The following ATP8A2 variants were observed in gnomAD, a reference collection of about 807,000 sequenced individuals.
ATP8A2 encodes the protein phospholipid-transporting ATPase IB.
Under a neutral mutation model 165.6 loss-of-function variants are expected in ATP8A2, and 100 were observed. The ratio of observed to expected loss-of-function variants is 0.60; its 90% confidence interval spans 0.51 to 0.71. ATP8A2 has a LOEUF of 0.71. Among genes scored for constraint, ATP8A2 ranks in the 30% least tolerant of loss-of-function variants. ATP8A2 has a pLI of 0.00. For synonymous variants in ATP8A2, 543 were observed against 548.8 expected (o/e 0.99, Z 0.15); for missense variants, 1,227 against 1,479.5 (o/e 0.83, Z 2.80).
intron 6 of ATP8A2, among the ~76,000 whole-genome samples, chr13:25,536,377 A>G (rs898434990): frequency 6.6e-6 from 1 of 152,018 alleles, no homozygotes; most frequent in Non-Finnish European, 1.5e-5. Flanking sequence ...CGGCCTCCCA[A>G]AGTGTTGGGA....
At chr13:25,524,889 T>TA (rs2137868548) in intron 2 of ATP8A2, among the ~76,000 whole-genome samples, 2 of 8,956 alleles carry the variant, frequency 2.2e-4, no homozygotes, top group South Asian at 8.8e-3. Context: ...TTTGATAACT[T>TA]CCTTCCTTCC....
intron 35 of ATP8A2, among the ~76,000 whole-genome samples, chr13:25,978,178 G>A (rs1956100912): frequency 6.6e-6 from 1 of 152,064 alleles, no homozygotes; most frequent in African/African-American, 2.4e-5. Context: ...AGCAGCAATA[G>A]AAACATTTAA....
rs377329176 is a variant in ATP8A2, at chr13:25,953,514, A to G, written c.3184-8061A>G. ...GACCTTATGTAGCCCTGGTTACTCC[A>G]GCCTTTTTAAAAAAAAAAAAAAAAA... On this transcript the variant is annotated intron_variant, in intron 33 of 36. Coordinates refer to ENST00000381655, the MANE Select transcript of ATP8A2 (RefSeq NM_016529.6). This position sits in a 1 kb window ranked among gnomAD's most constrained non-coding sequence, Gnocchi z 6.7. 3.9e-3 allele frequency among the ~76,000 whole-genome samples: 486 copies of G among 124,176 alleles called. 1 individual carries two copies. Among genetic ancestry groups the G allele is most frequent in the African/African-American group, 0.013 (437 of 33,674 alleles). 81.5% of individuals were successfully genotyped at this position (124,176 alleles called of 152,430 possible). A position where few individuals can be genotyped will look rare whatever the true frequency, so the allele number is the denominator to read the frequency against.
At chr13:25,852,323 T>C (rs930074598) in intron 30 of ATP8A2, among the ~76,000 whole-genome samples, 4 of 152,114 alleles carry the variant, frequency 2.6e-5, no homozygotes, top group Non-Finnish European at 5.9e-5. Context: ...GATGCACAGG[T>C]CAGCCCCCAG....
At chr13:25,935,677 A>G (rs1954865339) in intron 33 of ATP8A2, among the ~76,000 whole-genome samples, 1 of 152,052 alleles carries the variant, frequency 6.6e-6, no homozygotes, top group Non-Finnish European at 1.5e-5. Flanking sequence ...AAGCAACGAG[A>G]TCTCCTGCAA....
At chr13:25,441,391 G>T (rs977214333) in intron 1 of ATP8A2, among the ~76,000 whole-genome samples, 1 of 152,228 alleles carries the variant, frequency 6.6e-6, no homozygotes, top group African/African-American at 2.4e-5. Flanking sequence ...CTTACCATTG[G>T]AACAACAATG....
intron 27 of ATP8A2, 44 bp from the exon 28 acceptor site, chr13:25,828,074 G>T (rs199594238): frequency 1.4e-6 from 2 of 1,476,102 alleles, no homozygotes; most frequent in East Asian, 2.3e-5. Context: ...GAAACATTTA[G>T]GTCAATATTG....
intron 25 of ATP8A2, among the ~76,000 whole-genome samples, chr13:25,739,863 G>T (rs2043868894): frequency 6.6e-6 from 1 of 152,162 alleles, no homozygotes; most frequent in Non-Finnish European, 1.5e-5. Flanking sequence ...CACTAATGCG[G>T]CTGGGAAAAA....
chr13:25,732,698 G>T (rs2043677879), intron 25 of ATP8A2, among the ~76,000 whole-genome samples: 1 of 152,126 alleles, frequency 6.6e-6, no homozygotes, highest in Non-Finnish European at 1.5e-5. Context: ...ATAACAGAAT[G>T]GATTCTGTGT....
intron 2 of ATP8A2, among the ~76,000 whole-genome samples, chr13:25,502,203 CAT>C (rs1176001371): frequency 1.3e-5 from 2 of 152,122 alleles, no homozygotes; most frequent in Non-Finnish European, 2.9e-5. Context: ...AGACAGCAGT[CAT>C]GTGTCATTGT....
intron 24 of ATP8A2, among the ~76,000 whole-genome samples, chr13:25,696,862 C>T (rs2042844105): frequency 6.6e-6 from 1 of 152,160 alleles, no homozygotes; most frequent in Non-Finnish European, 1.5e-5. Flanking sequence ...TGCAAGAGGC[C>T]TAGCTTTTGG....
chr13:25,912,204 A>G (rs577849216), intron 33 of ATP8A2, among the ~76,000 whole-genome samples: 3 of 151,338 alleles, frequency 2.0e-5, no homozygotes, highest in South Asian at 2.1e-4. Context: ...ACAGTGGAAT[A>G]GTCTTCAGCC....
chr13:26,016,236 G>A (rs1246455122), intron 36 of ATP8A2, among the ~76,000 whole-genome samples: 1 of 152,192 alleles, frequency 6.6e-6, no homozygotes, highest in Admixed American at 6.5e-5. Flanking sequence ...TGTGGTGGTA[G>A]GTGCAGCCAA....
At chr13:25,718,564 G>T (rs539709632) in intron 25 of ATP8A2, among the ~76,000 whole-genome samples, 3 of 152,232 alleles carry the variant, frequency 2.0e-5, no homozygotes, top group African/African-American at 7.2e-5. Flanking sequence ...CAGGGAGAGG[G>T]TTGTTTGTTT....
At chr13:25,700,929 A>T (rs1259037550) in intron 25 of ATP8A2, among the ~76,000 whole-genome samples, 2 of 152,010 alleles carry the variant, frequency 1.3e-5, no homozygotes, top group African/African-American at 2.4e-5. Context: ...TTTTGGTTTG[A>T]ATTTTTCTGT....
At chr13:25,690,513 G>A (rs7996971) in intron 24 of ATP8A2, among the ~76,000 whole-genome samples, 5,168 of 152,166 alleles carry the variant, frequency 0.034, 96 homozygotes, top group Middle Eastern at 0.048. Context: ...ATGATCCCAC[G>A]GTGTATGTCT....
chr13:26,008,873 C>T (rs1425020635), intron 35 of ATP8A2, among the ~76,000 whole-genome samples: 4 of 152,032 alleles, frequency 2.6e-5, no homozygotes, highest in Non-Finnish European at 5.9e-5. Context: ...AATATGAAGG[C>T]TAGAAATGTA....
At chr13:25,785,836 GAGGA>G (rs2045010120) in intron 27 of ATP8A2, among the ~76,000 whole-genome samples, 1 of 152,218 alleles carries the variant, frequency 6.6e-6, no homozygotes, top group Non-Finnish European at 1.5e-5. Flanking sequence ...TGTAGCAAAT[GAGGA>G]AGAAGATAAA....
At chr13:25,844,886 G>A (rs371002017) in intron 30 of ATP8A2, among the ~76,000 whole-genome samples, 8 of 152,222 alleles carry the variant, frequency 5.3e-5, no homozygotes, top group East Asian at 1.9e-4. Flanking sequence ...TATATCAACA[G>A]TGTTCACTTT....
Sources: allele counts gnomAD v4.1 joint callset (sites outside exome capture counted in the v4.1 genomes callset), GRCh38; gene constraint gnomAD v4.1.1; non-coding constraint Gnocchi (gnomAD v3.1); transcripts MANE v1.5; gene names NCBI Gene and HGNC (gene_info 2026-07-23, HGNC 2026-07-21).